The following CFAP70 variants were observed in gnomAD, a reference collection of about 807,000 sequenced individuals.
CFAP70 encodes the protein cilia and flagella associated protein 70.
A neutral mutation model predicts 137.6 loss-of-function variants in CFAP70; 81 were observed. The observed-to-expected ratio is 0.59, with a 90% CI of 0.49 to 0.71. CFAP70 has a LOEUF of 0.71. Among genes scored for constraint, CFAP70 ranks in the 30% least tolerant of loss-of-function variants. The pLI, the probability that CFAP70 is intolerant of heterozygous loss-of-function variation, is 0.00. For missense variants in CFAP70, 976 were observed against 1,226.7 expected (o/e 0.80, Z 3.05); for synonymous variants, 382 against 423.6 (o/e 0.90, Z 1.20).
chr10:73,256,686 A>G (rs7895415), intron 25 of CFAP70, among the ~76,000 whole-genome samples: 15,956 of 151,786 alleles, frequency 0.11, 1,198 homozygotes, highest in East Asian at 0.3. Flanking sequence ...GGTGGATCAC[A>G]AGGTCAGGAG....
chr10:73,291,989 A>C (rs2048211801), exon 17 of CFAP70: 16 of 1,614,100 alleles, frequency 9.9e-6, no homozygotes, highest in Non-Finnish European at 1.4e-5. Context: ...CCAGTGATCC[A>C]GATTCTGGGG....
At chr10:73,328,515 T>C (rs2051713263) in intron 8 of CFAP70, among the ~76,000 whole-genome samples, 1 of 148,966 alleles carries the variant, frequency 6.7e-6, no homozygotes. Flanking sequence ...CAAGAGCTTC[T>C]GCACAGCAAA....
intron 9 of CFAP70, among the ~76,000 whole-genome samples, chr10:73,315,984 G>A (rs996688490): frequency 1.3e-5 from 2 of 152,126 alleles, no homozygotes; most frequent in Non-Finnish European, 2.9e-5. Context: ...CAAGTATTAT[G>A]AGGTGATTGT....
At chr10:73,265,063 C>A (rs1442884967) in intron 25 of CFAP70, among the ~76,000 whole-genome samples, 1 of 152,148 alleles carries the variant, frequency 6.6e-6, no homozygotes, top group Non-Finnish European at 1.5e-5. Context: ...CGGTGGCTCA[C>A]GCCTGTAATC....
chr10:73,290,044 CA>C (rs397847750), intron 19 of CFAP70, among the ~76,000 whole-genome samples: 6,225 of 72,178 alleles, frequency 0.086, 417 homozygotes, highest in African/African-American at 0.24. Flanking sequence ...GACTCCATCT[CA>C]AAAAAAAAAA....
chr10:73,327,312 A>G (rs2051558203), intron 8 of CFAP70, among the ~76,000 whole-genome samples: 1 of 150,528 alleles, frequency 6.6e-6, no homozygotes, highest in African/African-American at 2.5e-5. Context: ...AACTCTCAAT[A>G]AATTAGGTAT....
At chr10:73,299,353 G>A (rs745995410) in intron 13 of CFAP70, among the ~76,000 whole-genome samples, 10 of 152,090 alleles carry the variant, frequency 6.6e-5, no homozygotes, top group Non-Finnish European at 1.3e-4. Flanking sequence ...GACTACAGGT[G>A]TGTGCCACCA....
At chr10:73,324,853 C>T (rs1195073399) in intron 8 of CFAP70, among the ~76,000 whole-genome samples, 50 of 152,134 alleles carry the variant, frequency 3.3e-4, no homozygotes, top group Non-Finnish European at 6.5e-4. Context: ...ACCAAATCTA[C>T]GTCTGATTGG....
At chr10:73,298,816 G>T in intron 14 of CFAP70, 91 bp downstream of exon 15, 1 of 1,201,686 alleles carries the variant, frequency 8.3e-7, no homozygotes, top group South Asian at 1.3e-5. Context: ...GAGTATAGCT[G>T]AACATAATCA....
intron 7 of CFAP70, among the ~76,000 whole-genome samples, chr10:73,332,652 G>C (rs1406000249): frequency 6.6e-6 from 1 of 152,074 alleles, no homozygotes; most frequent in Admixed American, 6.5e-5. Context: ...TTACAACTGA[G>C]AGGGCTACAA....
chr10:73,274,298 G>T, intron 23 of CFAP70, 135 bp downstream of exon 24: 1 of 1,020,918 alleles, frequency 9.8e-7, no homozygotes. Context: ...TCTGATGTTG[G>T]GCAAGTCACT....
chr10:73,261,457 G>A (rs1391794019), intron 25 of CFAP70, among the ~76,000 whole-genome samples: 2 of 152,204 alleles, frequency 1.3e-5, no homozygotes, highest in Non-Finnish European at 2.9e-5. Flanking sequence ...AGGCAAAGAG[G>A]AGTAAGTCAC....
At chr10:73,356,438 T>C (rs1342689181) in intron 1 of CFAP70, among the ~76,000 whole-genome samples, 1 of 152,142 alleles carries the variant, frequency 6.6e-6, no homozygotes, top group Non-Finnish European at 1.5e-5. Context: ...GCTCAAGCAA[T>C]CCACTCACCT....
chr10:73,352,774 T>G (rs1193530630), intron 3 of CFAP70, among the ~76,000 whole-genome samples: 1 of 152,246 alleles, frequency 6.6e-6, no homozygotes, highest in Non-Finnish European at 1.5e-5. Context: ...AGATTATAAA[T>G]GTACCTCTAA....
intron 1 of CFAP70, among the ~76,000 whole-genome samples, chr10:73,355,878 G>A (rs2054637351): frequency 6.6e-6 from 1 of 152,158 alleles, no homozygotes; most frequent in Non-Finnish European, 1.5e-5. Flanking sequence ...CCCAGTCTGT[G>A]GAAAAATTGT....
intron 8 of CFAP70, among the ~76,000 whole-genome samples, chr10:73,323,588 A>G (rs1385734279): frequency 2.0e-5 from 3 of 152,218 alleles, no homozygotes; most frequent in Admixed American, 6.5e-5. Context: ...AAGGGGTGAC[A>G]GACGGCACCT....
chr10:73,321,851 T>A (rs1158171124), intron 9 of CFAP70, among the ~76,000 whole-genome samples: 1 of 152,216 alleles, frequency 6.6e-6, no homozygotes, highest in Non-Finnish European at 1.5e-5. Flanking sequence ...TTGTGCAATT[T>A]CAGCTCACTG....
chr10:73,254,918 A>G (rs2044316119), intron 26 of CFAP70, among the ~76,000 whole-genome samples: 1 of 152,292 alleles, frequency 6.6e-6, no homozygotes, highest in Non-Finnish European at 1.5e-5. Context: ...ATGAGAAAAA[A>G]CTAATTTGTT....
chr10:73,341,725 T>C (rs2132419603), intron 5 of CFAP70, 144 bp from the exon 7 acceptor site: 3 of 683,722 alleles, frequency 4.4e-6, no homozygotes, highest in Non-Finnish European at 7.3e-6. Flanking sequence ...GAGAGGGGCC[T>C]GTGCCCTTCA....
Sources: allele counts gnomAD v4.1 joint callset (sites outside exome capture counted in the v4.1 genomes callset), GRCh38; gene constraint gnomAD v4.1.1; transcripts MANE v1.5; gene names NCBI Gene and HGNC (gene_info 2026-07-23, HGNC 2026-07-21).